GRID2: variants seen among roughly 807,000 people sequenced by gnomAD.
GRID2 encodes the protein glutamate ionotropic receptor delta type subunit 2.
A neutral mutation model predicts 114.8 loss-of-function variants in GRID2; 33 were observed. That is an observed-to-expected ratio of 0.29 (90% CI 0.22 to 0.38). GRID2 has a LOEUF of 0.38. Among genes scored for constraint, GRID2 ranks in the 10% least tolerant of loss-of-function variants. The pLI is 1.00. For synonymous variants in GRID2, 505 were observed against 449.9 expected, an observed-to-expected ratio of 1.12 and a Z score of -1.55; for missense variants, 1,184 against 1,257.7, an observed-to-expected ratio of 0.94 and a Z score of 0.89.
At chr4:93,528,129 A>G (rs928973259) in intron 13 of GRID2, among the ~76,000 whole-genome samples, 8 of 151,750 alleles carry the variant, frequency 5.3e-5, no homozygotes, top group Non-Finnish European at 7.4e-5. Flanking sequence ...GTGTGTATAT[A>G]TATCCTGCAT....
At chr4:93,526,289 A>C (rs965780614) in intron 13 of GRID2, among the ~76,000 whole-genome samples, 1 of 152,114 alleles carries the variant, frequency 6.6e-6, no homozygotes, top group African/African-American at 2.4e-5. Context: ...CTTCCCCTTC[A>C]CCTTCCACCA....
chr4:92,353,228 C>T (rs1261113860), intron 1 of GRID2, among the ~76,000 whole-genome samples: 1 of 151,336 alleles, frequency 6.6e-6, no homozygotes, highest in African/African-American at 2.4e-5. Context: ...ACATAGTTTT[C>T]CTGATTCTCT....
chr4:92,629,915 AATT>A (rs1312285230), intron 2 of GRID2, among the ~76,000 whole-genome samples: 25 of 147,680 alleles, frequency 1.7e-4, no homozygotes, highest in Admixed American at 4.7e-4. Context: ...TAAATTATAT[AATT>A]ATATTATAAA....
At chr4:93,744,251 A>C (rs973179343) in intron 14 of GRID2, among the ~76,000 whole-genome samples, 1 of 152,248 alleles carries the variant, frequency 6.6e-6, no homozygotes, top group Admixed American at 6.5e-5. Context: ...ATCAAGGAGT[A>C]GTTTTGACTT....
chr4:92,838,119 T>A (rs1030219029), intron 2 of GRID2, among the ~76,000 whole-genome samples: 1 of 152,090 alleles, frequency 6.6e-6, no homozygotes, highest in Non-Finnish European at 1.5e-5. Flanking sequence ...CCTCCTTCAA[T>A]ATTATATTGA....
At chr4:92,441,643 G>T (rs1378359053) in intron 1 of GRID2, among the ~76,000 whole-genome samples, 2 of 152,134 alleles carry the variant, frequency 1.3e-5, no homozygotes, top group African/African-American at 4.8e-5. Context: ...GGCTTTGAAA[G>T]GCCATGCTGT....
At chr4:92,682,657 G>T (rs1040556023) in intron 2 of GRID2, among the ~76,000 whole-genome samples, 2 of 150,802 alleles carry the variant, frequency 1.3e-5, no homozygotes, top group African/African-American at 4.9e-5. Context: ...TTGGTCATAT[G>T]TGGATGAGAT....
chr4:93,314,879 A>G (rs1478154115), intron 8 of GRID2, among the ~76,000 whole-genome samples: 14 of 152,056 alleles, frequency 9.2e-5, no homozygotes. Context: ...GATATTTAAT[A>G]TAATATCTAC....
chr4:92,946,507 A>C (rs901870249), intron 2 of GRID2, among the ~76,000 whole-genome samples: 2 of 152,030 alleles, frequency 1.3e-5, no homozygotes, highest in Non-Finnish European at 2.9e-5. Flanking sequence ...CCAAAATTAT[A>C]TTAATAACTT....
At chr4:93,443,179 C>A (rs1721779419) in intron 10 of GRID2, among the ~76,000 whole-genome samples, 1 of 151,830 alleles carries the variant, frequency 6.6e-6, no homozygotes, top group Non-Finnish European at 1.5e-5. Context: ...ACAGAGCAGC[C>A]AAAGTGATTG....
chr4:92,508,180 G>C (rs905594007), intron 1 of GRID2, among the ~76,000 whole-genome samples: 2 of 151,872 alleles, frequency 1.3e-5, no homozygotes, highest in African/African-American at 4.8e-5. Flanking sequence ...CTGGTACATA[G>C]TAGGAATTCA....
chr4:92,795,875 A>G lies in GRID2; in HGVS notation c.244+205589A>G, dbSNP rs1739843560. Among the ~76,000 whole-genome samples, 3 of 151,858 alleles carry G rather than the reference A, an allele frequency of 2.0e-5. No individual in the cohort carries two copies. The South Asian group carries it at 6.2e-4, about 32-fold the overall frequency. On this transcript the variant is annotated intron_variant, in intron 2 of 15. Coordinates refer to ENST00000282020, the MANE Select transcript of GRID2 (RefSeq NM_001510.4). Reference sequence around the variant, plus strand: ...TGTCTATTAGCTCTTCAATTCCTCCAAGATCCCTATGTTGAAACCCTTCAC... The same window carrying G: ...TGTCTATTAGCTCTTCAATTCCTCCGAGATCCCTATGTTGAAACCCTTCAC...
chr4:93,602,023 A>G (rs779237786), intron 13 of GRID2, among the ~76,000 whole-genome samples: 2 of 152,208 alleles, frequency 1.3e-5, no homozygotes, highest in Admixed American at 6.5e-5. Context: ...TCATAACATG[A>G]CAAAGTTATA....
intron 14 of GRID2, among the ~76,000 whole-genome samples, chr4:93,688,970 A>G (rs541316830): frequency 2.0e-5 from 3 of 152,184 alleles, no homozygotes; most frequent in African/African-American, 7.2e-5. Flanking sequence ...ATATGACTGT[A>G]TTTAAAGACG....
rs967019131 is a variant in GRID2, at chr4:92,464,930, C to T, written c.89-125201C>T. Reference sequence around the variant, plus strand: ...GATTTCCCCCTTGGTGTTCTTGTGACAGTGAATAAGTTCTCAGGAGATCTG... The same window carrying T: ...GATTTCCCCCTTGGTGTTCTTGTGATAGTGAATAAGTTCTCAGGAGATCTG... On this transcript the variant is annotated intron_variant, in intron 1 of 15. Transcript: ENST00000282020. Among the ~76,000 whole-genome samples the T allele has an allele frequency of 2.0e-5, 3 of 152,126 alleles. 1 individual carries two copies. The South Asian group carries it at 6.2e-4, about 32-fold the overall frequency.
chr4:92,518,499 T>G (rs1252070806), intron 1 of GRID2, among the ~76,000 whole-genome samples: 2 of 151,770 alleles, frequency 1.3e-5, no homozygotes, highest in African/African-American at 4.8e-5. Flanking sequence ...TCCAAAGTAG[T>G]AAAATATGTA....
At chr4:93,682,514 A>G (rs1725664113) in intron 14 of GRID2, among the ~76,000 whole-genome samples, 2 of 152,222 alleles carry the variant, frequency 1.3e-5, no homozygotes, top group South Asian at 4.1e-4. Context: ...CACAATAGCA[A>G]AGACTTGGAA....
At chr4:92,445,569 C>G (rs1733414422) in intron 1 of GRID2, among the ~76,000 whole-genome samples, 1 of 152,222 alleles carries the variant, frequency 6.6e-6, no homozygotes, top group Middle Eastern at 3.4e-3. Flanking sequence ...GGAAATCCAA[C>G]AATAAATATG....
chr4:92,386,450 C>A (rs1729964605), intron 1 of GRID2, among the ~76,000 whole-genome samples: 1 of 151,716 alleles, frequency 6.6e-6, no homozygotes, highest in Non-Finnish European at 1.5e-5. Flanking sequence ...CCATTTCCAG[C>A]AGTAGCACAG....
Sources: gnomAD v4.1 joint callset for allele counts (sites outside exome capture counted in the v4.1 genomes callset) on GRCh38, gnomAD v4.1.1 for gene constraint, MANE v1.5 for transcripts, NCBI Gene and HGNC (gene_info 2026-07-23, HGNC 2026-07-21) for gene names.